The following NXN variants were observed in gnomAD, a reference collection of about 807,000 sequenced individuals.
NXN encodes nucleoredoxin 1.
In NXN, 16 loss-of-function variants were observed where a neutral mutation model predicts 48.6. The ratio of observed to expected loss-of-function variants is 0.33; its 90% CI spans 0.22 to 0.50. The LOEUF is 0.50. Ranked by LOEUF, NXN falls within the 20% of genes least tolerant of loss-of-function variation. The pLI, the probability that NXN is intolerant of heterozygous loss-of-function variation, is 0.98. For synonymous variants in NXN, 281 were observed against 269.6 expected (o/e 1.04, Z -0.41); for missense variants, 492 against 605.5 (o/e 0.81, Z 1.97).
intron 1 of NXN, among the ~76,000 whole-genome samples, chr17:940,224 G>A (rs1053123850): frequency 3.3e-5 from 5 of 150,730 alleles, no homozygotes; most frequent in Non-Finnish European, 7.4e-5. Context: ...ATGAGCCACT[G>A]TGCCTGGCCT....
intron 1 of NXN, among the ~76,000 whole-genome samples, chr17:900,031 C>T (rs1567854856): frequency 6.6e-6 from 1 of 152,226 alleles, no homozygotes; most frequent in East Asian, 1.9e-4. Flanking sequence ...GTTGGGAGGC[C>T]GAGGCAGGCG....
intron 5 of NXN, 93 bp from the exon 6 acceptor site, chr17:805,340 A>AGC: frequency 7.4e-7 from 1 of 1,358,766 alleles, no homozygotes. Context: ...GGTCCCCCCG[A>AGC]CCGTGGTGGA....
chr17:956,828 A>G lies in NXN; in HGVS notation c.360+22491T>C, dbSNP rs1280674567. Among the ~76,000 whole-genome samples, 2 of 152,164 alleles carry G rather than the reference A, an allele frequency of 1.3e-5. No homozygotes were observed. Among genetic ancestry groups the G allele is most frequent in the African/African-American group, 4.8e-5 (2 of 41,444 alleles). ...AAGTGGGGTTAAAGTAACTTGCCCA[A>G]GATCTCAAAGCTGGAGAGCGGGAAA... On this transcript the variant is annotated intron_variant, in intron 1 of 7. Coordinates refer to ENST00000336868, the MANE Select transcript of NXN (RefSeq NM_022463.5). This position sits in a 1 kb window ranked among gnomAD's most constrained non-coding sequence, Gnocchi z 4.1.
At chr17:948,604 C>A (rs1039373858) in intron 1 of NXN, among the ~76,000 whole-genome samples, 2 of 151,900 alleles carry the variant, frequency 1.3e-5, no homozygotes, top group African/African-American at 2.4e-5. Flanking sequence ...AGCTCCCGGG[C>A]GACTGAAGAT....
intron 1 of NXN, among the ~76,000 whole-genome samples, chr17:880,274 G>A (rs950073563): frequency 3.3e-5 from 5 of 152,110 alleles, no homozygotes; most frequent in Non-Finnish European, 7.3e-5. Context: ...GCGGAGGAGT[G>A]AGGGAGGCGT....
Position 827,119 on chromosome 17 carries a change from G to A in NXN, c.361-1041C>T, listed in dbSNP as rs1263291213. ...CACCTGTGATCCCAGCGCTTTGGGA[G>A]GATCACCTGAGGTCAGGAGTTCAAG... On this transcript the variant is annotated intron_variant, in intron 1 of 7. Coordinates refer to ENST00000336868, the MANE Select transcript of NXN (RefSeq NM_022463.5). 3.9e-5 allele frequency among the ~76,000 whole-genome samples: 6 copies of A among 152,198 alleles called. No homozygotes were observed. In the East Asian group the frequency reaches 1.2e-3, roughly 29 times the overall value.
chr17:829,103 A>G (rs1405199074), intron 1 of NXN, among the ~76,000 whole-genome samples: 1 of 144,196 alleles, frequency 6.9e-6, no homozygotes, highest in Non-Finnish European at 1.5e-5. Context: ...CCAGTTCGCT[A>G]GGGGGAAAAA....
At chr17:871,532 G>A (rs137926344) in intron 1 of NXN, among the ~76,000 whole-genome samples, 2,196 of 150,292 alleles carry the variant, frequency 0.015, 55 homozygotes, top group African/African-American at 0.05. Context: ...AGCCTCCCGA[G>A]TAGCTGGGAT....
chr17:951,175 TAA>T (rs59266525), intron 1 of NXN, among the ~76,000 whole-genome samples: 15 of 56,716 alleles, frequency 2.6e-4, no homozygotes, highest in African/African-American at 8.8e-4. Context: ...TGTCTCTACT[TAA>T]AAAAAAAAAA....
rs576832618 is a variant in NXN at position 841,804 on chromosome 17, C to T, written c.361-15726G>A. Among the ~76,000 whole-genome samples the T allele has an allele frequency of 2.0e-5, 3 of 152,086 alleles. 1 individual carries two copies. The East Asian group carries it at 5.8e-4, about 29-fold the overall frequency. On this transcript the variant is annotated intron_variant, in intron 1 of 7. Transcript: ENST00000336868. ...AAAGGCACAAACTGGACAAAAGCAGCAATCCTTCTGATTAAACCTGTTCTA... is the reference window on the plus strand; with the variant it reads ...AAAGGCACAAACTGGACAAAAGCAGTAATCCTTCTGATTAAACCTGTTCTA...
At chr17:806,942 ACACACG>A (rs1339595534) in intron 5 of NXN, among the ~76,000 whole-genome samples, 11 of 149,466 alleles carry the variant, frequency 7.4e-5, no homozygotes, top group Non-Finnish European at 1.2e-4. Context: ...ACACACACAC[ACACACG>A]CACGCGCCCA....
intron 1 of NXN, among the ~76,000 whole-genome samples, chr17:832,327 G>A (rs917914436): frequency 1.9e-4 from 28 of 150,606 alleles, no homozygotes; most frequent in Admixed American, 1.0e-3. Context: ...ACAGGTGCCC[G>A]CCACCACACC....
At chr17:805,379 A>G (rs976341683) in intron 5 of NXN, 132 bp from the exon 6 acceptor site, 109 of 945,758 alleles carry the variant, frequency 1.2e-4, no homozygotes, top group Non-Finnish European at 1.6e-4. Flanking sequence ...ACAGGCTCAC[A>G]ATGAAGAGGC....
chr17:964,804 C>CCCTAAAATATT, intron 1 of NXN, among the ~76,000 whole-genome samples: 1 of 152,358 alleles, frequency 6.6e-6, no homozygotes, highest in East Asian at 1.9e-4. Flanking sequence ...TCTATCAGCA[C>CCCTAAAATATT]AAGGACAGTG....
At chr17:870,361 T>A (rs993538135) in intron 1 of NXN, among the ~76,000 whole-genome samples, 7 of 152,146 alleles carry the variant, frequency 4.6e-5, no homozygotes, top group Non-Finnish European at 1.0e-4. Context: ...ACGTGGGTGA[T>A]TCATGAGCCT....
intron 1 of NXN, among the ~76,000 whole-genome samples, chr17:895,619 TGGC>T (rs1555619705): frequency 1.4e-5 from 2 of 147,450 alleles, no homozygotes; most frequent in African/African-American, 2.5e-5. Context: ...AAGACCATCC[TGGC>T]TAACACGGTG....
Position 838,126 on chromosome 17 carries a change from CTT to C in NXN, c.361-12050_361-12049del, listed in dbSNP as rs66721481. On this transcript the variant is annotated intron_variant, in intron 1 of 7. Coordinates refer to ENST00000336868, the MANE Select transcript of NXN (RefSeq NM_022463.5). ...CAGAACACTGAATTTTCCTTTCCTT[CTT>C]TTTTTTTTTTTTTTTTTTTTTGAGA... Among the ~76,000 whole-genome samples the C allele has an allele frequency of 2.0e-3, 198 of 99,164 alleles. 1 individual carries two copies. Among genetic ancestry groups the C allele is most frequent in the African/African-American group, 7.1e-3 (169 of 23,746 alleles). 65.1% of individuals were successfully genotyped at this position (99,164 alleles called of 152,430 possible). A position where few individuals can be genotyped will look rare whatever the true frequency, so the allele number is the denominator to read the frequency against.
intron 1 of NXN, among the ~76,000 whole-genome samples, chr17:963,349 T>A (rs1474094600): frequency 6.6e-6 from 1 of 152,042 alleles, no homozygotes; most frequent in African/African-American, 2.4e-5. Flanking sequence ...ACGTATGTAA[T>A]CCCAGCACAT....
chr17:959,493 G>GA (rs60665462), intron 1 of NXN: 127,290 of 147,886 alleles, frequency 0.86, 56,918 homozygotes, highest in Non-Finnish European at 0.98. Flanking sequence ...TCAGAAGTGA[G>GA]AAAAAAAAAA....
Sources: allele counts gnomAD v4.1 joint callset (sites outside exome capture counted in the v4.1 genomes callset), GRCh38; gene constraint gnomAD v4.1.1; non-coding constraint Gnocchi (gnomAD v3.1); transcripts MANE v1.5; gene names NCBI Gene and HGNC (gene_info 2026-07-23, HGNC 2026-07-21).